CCDC144A: variants seen among roughly 807,000 people sequenced by gnomAD.
CCDC144A encodes the protein coiled-coil domain containing 144A, also known as coiled-coil domain-containing protein 144A.
A neutral mutation model predicts 143.8 loss-of-function variants in CCDC144A; 41 were observed. That is an observed-to-expected ratio of 0.29 (90% confidence interval 0.22 to 0.37). The LOEUF (loss-of-function observed/expected upper bound fraction) is 0.37. CCDC144A is among the 10% of genes least tolerant of loss of function. The pLI is 1.00. For synonymous variants in CCDC144A, 242 were observed against 517.9 expected, an observed-to-expected ratio of 0.47 and a Z score of 7.23; for missense variants, 637 against 1,488.8, an observed-to-expected ratio of 0.43 and a Z score of 9.41.
intron 11 of CCDC144A, among the ~76,000 whole-genome samples, chr17:16,733,050 AT>A (rs1257717786): frequency 2.6e-5 from 4 of 151,858 alleles, no homozygotes; most frequent in Non-Finnish European, 2.9e-5. Flanking sequence ...TTAGATTATT[AT>A]TTCCACTTGT....
the CCDC144A span, among the ~76,000 whole-genome samples, chr17:16,678,847 C>T: frequency 4.0e-5 from 6 of 149,460 alleles, no homozygotes; most frequent in African/African-American, 7.4e-5. Flanking sequence ...CTCTGCCTTC[C>T]GGGTTCAAGC....
the CCDC144A span, among the ~76,000 whole-genome samples, chr17:16,678,688 G>A: frequency 1.4e-5 from 2 of 145,990 alleles, no homozygotes; most frequent in Non-Finnish European, 3.0e-5. Flanking sequence ...TGTGGCAATC[G>A]TGCCATCTCA....
upstream of CCDC144A, chr17:16,690,048 G>T (rs1181320685): frequency 5.6e-6 from 1 of 177,060 alleles, no homozygotes; most frequent in Non-Finnish European, 1.2e-5. Context: ...CTTTTTCTGG[G>T]AGGCTGGAGC....
chr17:16,760,230 T>C (rs1319663431), intron 12 of CCDC144A, among the ~76,000 whole-genome samples: 1 of 151,114 alleles, frequency 6.6e-6, no homozygotes, highest in African/African-American at 2.5e-5. Context: ...CAATGCCAGC[T>C]TGTATTTAGG....
intron 15 of CCDC144A, among the ~76,000 whole-genome samples, chr17:16,769,284 C>G (rs1195961723): frequency 2.0e-5 from 3 of 152,202 alleles, no homozygotes; most frequent in Admixed American, 6.5e-5. Context: ...CTGATATCCT[C>G]TCAAGAGGAA....
chr17:16,669,602 T>C, the CCDC144A span, among the ~76,000 whole-genome samples: 1 of 152,240 alleles, frequency 6.6e-6, no homozygotes, highest in Non-Finnish European at 1.5e-5. Flanking sequence ...ACTACCCACA[T>C]GTGGCTTTTG....
chr17:16,755,677 A>G (rs1277575113), intron 12 of CCDC144A, among the ~76,000 whole-genome samples: 1 of 152,230 alleles, frequency 6.6e-6, no homozygotes, highest in Non-Finnish European at 1.5e-5. Context: ...CTTGTGCCTC[A>G]GCCTCCTGAG....
intron 6 of CCDC144A, among the ~76,000 whole-genome samples, chr17:16,716,102 C>T (rs895466842): frequency 4.6e-5 from 7 of 151,766 alleles, no homozygotes; most frequent in African/African-American, 1.5e-4. Context: ...ATTTCATATT[C>T]CAGAACTATA....
At position 16,775,101 on chromosome 17, in the gene CCDC144A, C is replaced by A. The variant is rs1185666504; in HGVS notation, c.*1468C>A. 6.6e-6 allele frequency: 1 copy of A among 152,062 alleles called. No individual in the cohort carries two copies. The highest frequency in any genetic ancestry group is 1.5e-5 in the Non-Finnish European group (1 of 68,038). 9.4% of individuals were successfully genotyped at this position (152,062 alleles called of 1,614,324 possible). ...TGTATATGTACCACATTTTCTTTAT[C>A]CAGTTTATCATTGATGGGCTTTTAG... On this transcript the variant is annotated 3_prime_UTR_variant, in exon 17 of 17. Transcript: ENST00000399273.
intron 12 of CCDC144A, among the ~76,000 whole-genome samples, chr17:16,744,899 G>A (rs1051402916): frequency 2.0e-5 from 3 of 152,038 alleles, no homozygotes; most frequent in African/African-American, 7.2e-5. Context: ...CTCAAAAACA[G>A]GCTGTGTGTG....
chr17:16,754,711 TA>T, intron 12 of CCDC144A, among the ~76,000 whole-genome samples: 1 of 152,396 alleles, frequency 6.6e-6, no homozygotes, highest in East Asian at 1.9e-4. Flanking sequence ...CAGCTTTTAA[TA>T]CAGTGTTCTG....
intron 15 of CCDC144A, 89 bp downstream of exon 15, chr17:16,764,264 A>C (rs546295257): frequency 2.5e-5 from 38 of 1,541,626 alleles, no homozygotes; most frequent in Non-Finnish European, 3.1e-5. Context: ...TGTCTTGTGT[A>C]TGGTAAGTAA....
chr17:16,749,402 G>A (rs1914682719), intron 12 of CCDC144A, among the ~76,000 whole-genome samples: 1 of 152,180 alleles, frequency 6.6e-6, no homozygotes, highest in Non-Finnish European at 1.5e-5. Flanking sequence ...GGTTTTCAGA[G>A]ATCTTCTTGG....
At chr17:16,716,974 C>T (rs1410222222) in intron 6 of CCDC144A, among the ~76,000 whole-genome samples, 3 of 151,564 alleles carry the variant, frequency 2.0e-5, no homozygotes, top group African/African-American at 7.3e-5. Flanking sequence ...CCACCGCACA[C>T]GGCTAATTTT....
chr17:16,775,610 G>C lies in CCDC144A; in HGVS notation c.*1977G>C, dbSNP rs1386683751. Reference sequence around the variant, plus strand: ...TGTAGATGCTGGATATTAGACCTTTGTCAGATGGATAGAGTGCAAAAATTT... The same window carrying C: ...TGTAGATGCTGGATATTAGACCTTTCTCAGATGGATAGAGTGCAAAAATTT... On this transcript the variant is annotated 3_prime_UTR_variant, in exon 17 of 17. Coordinates refer to ENST00000399273, the MANE Select transcript of CCDC144A (RefSeq NM_001382000.1). The C allele has an allele frequency of 2.0e-5, 3 of 152,136 alleles. No homozygotes were observed. The highest frequency in any genetic ancestry group is 4.4e-5 in the Non-Finnish European group (3 of 68,040). 9.4% of individuals were successfully genotyped at this position (152,136 alleles called of 1,614,324 possible).
chr17:16,696,537 G>A, intron 2 of CCDC144A, among the ~76,000 whole-genome samples: 1 of 150,610 alleles, frequency 6.6e-6, no homozygotes, highest in East Asian at 1.9e-4. Flanking sequence ...AGGAGGCTGA[G>A]GCAGGAGAAT....
chr17:16,762,935 A>AT (rs1302114203), intron 14 of CCDC144A, among the ~76,000 whole-genome samples: 11 of 138,826 alleles, frequency 7.9e-5, no homozygotes, highest in African/African-American at 3.0e-4. Context: ...ATACTAATTA[A>AT]TTAATTTCTG....
intron 2 of CCDC144A, among the ~76,000 whole-genome samples, chr17:16,694,450 G>A (rs1362514069): frequency 6.6e-6 from 1 of 151,978 alleles, no homozygotes; most frequent in African/African-American, 2.4e-5. Flanking sequence ...GGGTGTTTTG[G>A]TGCACACCTG....
chr17:16,721,959 A>G (rs1913115411), intron 8 of CCDC144A, among the ~76,000 whole-genome samples: 1 of 152,310 alleles, frequency 6.6e-6, no homozygotes, highest in African/African-American at 2.4e-5. Flanking sequence ...TCCTAACTGC[A>G]CTGGCTTCAG....
Sources: gnomAD v4.1 joint callset for allele counts (sites outside exome capture counted in the v4.1 genomes callset) on GRCh38, gnomAD v4.1.1 for gene constraint, MANE v1.5 for transcripts, NCBI Gene and HGNC (gene_info 2026-07-23, HGNC 2026-07-21) for gene names.